Variants in OR2C1 observed in about 807,000 individuals in gnomAD.
OR2C1 encodes the protein olfactory receptor 2C1.
For synonymous variants in OR2C1, 209 were observed against 167.3 expected (o/e 1.25, Z -1.92); for missense variants, 468 against 388.3 (o/e 1.21, Z -1.73).
At chr16:3,330,490 A>G in the OR2C1 span, among the ~76,000 whole-genome samples, 22 of 152,220 alleles carry the variant, frequency 1.4e-4, no homozygotes, top group African/African-American at 5.1e-4. Flanking sequence ...ACATAGATCA[A>G]TGGAACAGAA....
the OR2C1 span, among the ~76,000 whole-genome samples, chr16:3,345,982 C>T: frequency 1.3e-4 from 19 of 151,962 alleles, no homozygotes; most frequent in East Asian, 3.7e-3. Flanking sequence ...TATAGGTGTG[C>T]ACCACCACGT....
the OR2C1 span, among the ~76,000 whole-genome samples, chr16:3,345,828 C>A: frequency 8.5e-6 from 1 of 117,490 alleles, no homozygotes; most frequent in Non-Finnish European, 1.7e-5. Context: ...TCCTTCCTTC[C>A]TTCCCTCCTT....
the OR2C1 span, among the ~76,000 whole-genome samples, chr16:3,334,231 G>A: frequency 9.3e-4 from 141 of 151,120 alleles, no homozygotes; most frequent in Non-Finnish European, 1.8e-3. Flanking sequence ...TCCGCCTCCC[G>A]GGTTCCAGTG....
upstream of OR2C1, among the ~76,000 whole-genome samples, chr16:3,351,636 A>T (rs1012960804): frequency 9.2e-5 from 14 of 152,198 alleles, no homozygotes; most frequent in African/African-American, 3.1e-4. Flanking sequence ...AATGCTAGGC[A>T]AATCAGGTAA....
At chr16:3,333,211 A>ATTTTTTTTTTTTTTTTTTTTTTTTTTTT in the OR2C1 span, among the ~76,000 whole-genome samples, 5 of 65,854 alleles carry the variant, frequency 7.6e-5, no homozygotes, top group Admixed American at 1.9e-4. Flanking sequence ...TCTTTTGCCC[A>ATTTTTTTTTTTTTTTTTTTTTTTTTTTT]TTTTTTTTTT....
chr16:3,355,766 T>C, upstream of OR2C1: 1 of 597,648 alleles, frequency 1.7e-6, no homozygotes, highest in Non-Finnish European at 2.9e-6. Context: ...TGGGTGACAG[T>C]GAGAGACTCT....
At chr16:3,347,669 A>G in the OR2C1 span, among the ~76,000 whole-genome samples, 4 of 152,086 alleles carry the variant, frequency 2.6e-5, no homozygotes, top group African/African-American at 9.7e-5. Context: ...TTGCTCTGCA[A>G]CTGGCTTTTA....
Position 3,356,727 on chromosome 16 carries a change from G to T in OR2C1, c.787G>T (p.Ala263Ser). 6.2e-7 allele frequency: 1 copy of T among 1,614,062 alleles called. No individual in the cohort carries two copies. The highest frequency in any genetic ancestry group is 8.5e-7 in the Non-Finnish European group (1 of 1,179,994). ...AGCCAGCTATGGGTATCTGCTTCCG[G>T]CCAAGAACAGCAAACAGGACCAGGG... ...GSASYGYLLP[A>S]KNSKQDQGKF... The change falls in exon 1 of 1, where the codon GCC becomes TCC. Residue 263 changes from alanine (A) to serine (S), a missense_variant. Ala to Ser is a moderately conservative substitution (Grantham distance 99). Transcript: ENST00000304936.
At chr16:3,333,578 G>A in the OR2C1 span, among the ~76,000 whole-genome samples, 15,766 of 152,044 alleles carry the variant, frequency 0.1, 1,044 homozygotes, top group Non-Finnish European at 0.14. Flanking sequence ...CTCGTGATCC[G>A]CCCGGCTCGG....
the OR2C1 span, among the ~76,000 whole-genome samples, chr16:3,329,915 T>C: frequency 6.7e-6 from 1 of 148,986 alleles, no homozygotes; most frequent in Admixed American, 6.7e-5. Context: ...CCATTATGCC[T>C]GGCTAATTTT....
the OR2C1 span, among the ~76,000 whole-genome samples, chr16:3,331,072 T>C: frequency 6.6e-5 from 10 of 152,324 alleles, no homozygotes; most frequent in South Asian, 2.1e-4. Flanking sequence ...TTTTAATGAT[T>C]GCCATTCTAA....
At chr16:3,335,991 A>G in the OR2C1 span, among the ~76,000 whole-genome samples, 1 of 152,164 alleles carries the variant, frequency 6.6e-6, no homozygotes, top group African/African-American at 2.4e-5. Context: ...TGCTTGTCTT[A>G]TTCCAGATCT....
chr16:3,354,727 T>C (rs1194123016), upstream of OR2C1, among the ~76,000 whole-genome samples: 3 of 152,164 alleles, frequency 2.0e-5, no homozygotes, highest in African/African-American at 7.2e-5. Context: ...ATGTGTCTGC[T>C]TCCCCCCTTC....
chr16:3,328,303 G>C, the OR2C1 span, among the ~76,000 whole-genome samples: 1 of 152,172 alleles, frequency 6.6e-6, no homozygotes, highest in African/African-American at 2.4e-5. Flanking sequence ...AGAATTCCTC[G>C]TGCCATAAGC....
the OR2C1 span, among the ~76,000 whole-genome samples, chr16:3,324,800 C>G: frequency 6.6e-6 from 1 of 152,096 alleles, no homozygotes; most frequent in East Asian, 1.9e-4. Flanking sequence ...CATATACATA[C>G]TTACATATAC....
chr16:3,344,011 G>C, the OR2C1 span, among the ~76,000 whole-genome samples: 1 of 152,100 alleles, frequency 6.6e-6, no homozygotes. Context: ...TTGAGGTCAG[G>C]AGTTTGAGAC....
At chr16:3,357,539 T>C (rs1371300153), downstream of OR2C1, among the ~76,000 whole-genome samples, 2 of 152,174 alleles carry the variant, frequency 1.3e-5, no homozygotes, top group African/African-American at 2.4e-5. Context: ...AACTAATTTT[T>C]ATTTTTATTT....
chr16:3,346,505 A>G, the OR2C1 span, among the ~76,000 whole-genome samples: 1 of 152,164 alleles, frequency 6.6e-6, no homozygotes, highest in Non-Finnish European at 1.5e-5. Flanking sequence ...CTCAACTGGA[A>G]ACAAACAAAC....
chr16:3,350,372 T>TTTGG, the OR2C1 span, among the ~76,000 whole-genome samples: 34 of 146,430 alleles, frequency 2.3e-4, no homozygotes, highest in African/African-American at 6.3e-4. Context: ...AAATTTTTTG[T>TTTGG]TTGGTTGGTT....
Sources: allele counts gnomAD v4.1 joint callset (sites outside exome capture counted in the v4.1 genomes callset), GRCh38; gene constraint gnomAD v4.1.1; transcripts MANE v1.5; gene names NCBI Gene and HGNC (gene_info 2026-07-23, HGNC 2026-07-21).